PAPPA: variants seen among roughly 807,000 people sequenced by gnomAD.
PAPPA encodes the protein pappalysin 1, also known as pappalysin-1.
Under a neutral mutation model 164.0 loss-of-function variants are expected in PAPPA, and 60 were observed. The ratio of observed to expected loss-of-function variants is 0.37; its 90% CI spans 0.30 to 0.45. PAPPA has a LOEUF of 0.45. PAPPA is among the 20% of genes least tolerant of loss of function. The pLI is 1.00. For missense variants in PAPPA, 1,782 were observed against 2,087.3 expected (o/e 0.85, Z 2.85); for synonymous variants, 875 against 814.1 (o/e 1.07, Z -1.27).
At position 116,325,156 on chromosome 9, in the gene PAPPA, C is replaced by T. The variant is rs139593907; in HGVS notation, c.3148-6088C>T. Among the ~76,000 whole-genome samples the T allele has an allele frequency of 3.9e-5, 6 of 152,154 alleles. No individual in the cohort carries two copies. The East Asian group carries it at 5.8e-4, about 15-fold the overall frequency. ...AATTGTGTTGCTTTGTAATTAAGTA[C>T]GCAGAACATGGAATTCTAGAGATCA... On this transcript the variant is annotated intron_variant, in intron 10 of 21. Coordinates refer to ENST00000328252, the MANE Select transcript of PAPPA (RefSeq NM_002581.5).
chr9:116,238,579 G>T (rs1318236833), intron 7 of PAPPA, among the ~76,000 whole-genome samples: 1 of 152,188 alleles, frequency 6.6e-6, no homozygotes. Context: ...CTTTGTAAAA[G>T]TGCCACGTAC....
intron 17 of PAPPA, among the ~76,000 whole-genome samples, chr9:116,356,396 CAT>C (rs1234664656): frequency 6.6e-6 from 1 of 152,208 alleles, no homozygotes; most frequent in Non-Finnish European, 1.5e-5. Flanking sequence ...CCTGTGCAAT[CAT>C]ATGTGGTAGC....
intron 1 of PAPPA, among the ~76,000 whole-genome samples, chr9:116,178,988 A>T (rs1373665461): frequency 6.6e-6 from 1 of 152,224 alleles, no homozygotes; most frequent in African/African-American, 2.4e-5. Context: ...TCTGTGTATT[A>T]TTAAAACTTA....
intron 19 of PAPPA, among the ~76,000 whole-genome samples, chr9:116,369,642 C>G (rs774166179): frequency 6.6e-6 from 1 of 152,118 alleles, no homozygotes; most frequent in Non-Finnish European, 1.5e-5. Context: ...TTTTCCTACC[C>G]CCTGGGCAAA....
intron 8 of PAPPA, among the ~76,000 whole-genome samples, chr9:116,266,793 T>C (rs1338533037): frequency 6.6e-6 from 1 of 152,224 alleles, no homozygotes; most frequent in African/African-American, 2.4e-5. Context: ...TAGAGAATTT[T>C]GTCTCTAGAG....
At chr9:116,199,077 T>C (rs925861264) in intron 2 of PAPPA, among the ~76,000 whole-genome samples, 1 of 152,216 alleles carries the variant, frequency 6.6e-6, no homozygotes, top group Admixed American at 6.5e-5. Context: ...ATCAGTCTAA[T>C]AATATCCCAA....
intron 9 of PAPPA, among the ~76,000 whole-genome samples, chr9:116,284,870 AC>A (rs2118849931): frequency 2.0e-5 from 3 of 152,010 alleles, no homozygotes; most frequent in South Asian, 4.2e-4. Flanking sequence ...TCATTACTCT[AC>A]CTGAGGCCCT....
intron 2 of PAPPA, among the ~76,000 whole-genome samples, chr9:116,190,961 A>G (rs1442528936): frequency 6.6e-6 from 1 of 151,954 alleles, no homozygotes; most frequent in African/African-American, 2.4e-5. Context: ...GTGTGCAGAC[A>G]GAAACCTGTG....
At chr9:116,369,273 C>T (rs1588023587) in intron 19 of PAPPA, among the ~76,000 whole-genome samples, 1 of 152,132 alleles carries the variant, frequency 6.6e-6, no homozygotes, top group Non-Finnish European at 1.5e-5. Context: ...CAGATTCCCC[C>T]GAGTGCCCCA....
intron 9 of PAPPA, among the ~76,000 whole-genome samples, chr9:116,276,360 G>T (rs984058783): frequency 2.0e-5 from 3 of 152,182 alleles, no homozygotes; most frequent in Admixed American, 2.0e-4. Flanking sequence ...TGCATTACAG[G>T]AGATGCAGCT....
chr9:116,293,236 C>T (rs1010531598), intron 9 of PAPPA, among the ~76,000 whole-genome samples: 14 of 152,162 alleles, frequency 9.2e-5, no homozygotes, highest in South Asian at 4.2e-4. Context: ...ATTTAGGAGA[C>T]GTATAACAGA....
chr9:116,382,553 C>CA, intron 21 of PAPPA, 60 bp downstream of exon 21: 1 of 978,892 alleles, frequency 1.0e-6, no homozygotes, highest in South Asian at 1.3e-5. Context: ...CTTGTGGGGC[C>CA]AGGATCACTC....
intron 1 of PAPPA, among the ~76,000 whole-genome samples, chr9:116,162,895 T>C (rs1843684079): frequency 6.6e-6 from 1 of 152,082 alleles, no homozygotes; most frequent in African/African-American, 2.4e-5. Context: ...ATAGAAAAAT[T>C]AAAAATTTAA....
chr9:116,281,890 C>T lies in PAPPA; in HGVS notation c.2953+10474C>T, dbSNP rs187736331. Among the ~76,000 whole-genome samples, 17 of 152,268 alleles carry T rather than the reference C, an allele frequency of 1.1e-4. No homozygotes were observed. The East Asian group carries it at 3.3e-3, about 29-fold the overall frequency. Reference sequence around the variant, plus strand: ...CCCAAGGCTACGGGAAGGTAGGGGCCATTATCCCCCACTTTACACGAGGAG... The same window carrying T: ...CCCAAGGCTACGGGAAGGTAGGGGCTATTATCCCCCACTTTACACGAGGAG... On this transcript the variant is annotated intron_variant, in intron 9 of 21. Coordinates refer to ENST00000328252, the MANE Select transcript of PAPPA (RefSeq NM_002581.5).
chr9:116,242,333 T>C (rs1472888396), intron 7 of PAPPA, among the ~76,000 whole-genome samples: 1 of 152,050 alleles, frequency 6.6e-6, no homozygotes, highest in East Asian at 1.9e-4. Context: ...TGAAACTAAG[T>C]GGATGTTCAG....
intron 2 of PAPPA, among the ~76,000 whole-genome samples, chr9:116,199,639 C>A (rs1051112218): frequency 1.3e-5 from 2 of 152,142 alleles, no homozygotes; most frequent in African/African-American, 4.8e-5. Context: ...ACTTTCAATT[C>A]TCCATTGCCT....
intron 10 of PAPPA, among the ~76,000 whole-genome samples, chr9:116,311,737 G>A (rs891316972): frequency 6.6e-6 from 1 of 152,152 alleles, no homozygotes; most frequent in African/African-American, 2.4e-5. Flanking sequence ...TATATAAAGT[G>A]TATAATACGT....
chr9:116,285,097 C>T (rs570786677), intron 9 of PAPPA, among the ~76,000 whole-genome samples: 7 of 151,274 alleles, frequency 4.6e-5, no homozygotes, highest in South Asian at 4.2e-4. Flanking sequence ...TAAGACCTTG[C>T]GTGATCTGAG....
At position 116,397,529 on chromosome 9, in the gene PAPPA, A is replaced by G. The variant is rs1846981311; in HGVS notation, c.*913A>G. ...AACTAGGTTAGGAAAAATTCCACAC[A>G]ACCAAACAGTCTGCCTTAAAAGTGA... On this transcript the variant is annotated 3_prime_UTR_variant, in exon 22 of 22. Coordinates refer to ENST00000328252, the MANE Select transcript of PAPPA (RefSeq NM_002581.5). 6.6e-6 allele frequency: 1 copy of G among 152,654 alleles called. No homozygotes were observed. Among genetic ancestry groups the G allele is most frequent in the African/African-American group, 2.4e-5 (1 of 41,456 alleles). The allele number at this position is 152,654 out of a possible 1,614,324, so 9.5% of individuals were successfully genotyped here.
Sources: gnomAD v4.1 joint callset for allele counts (sites outside exome capture counted in the v4.1 genomes callset) on GRCh38, gnomAD v4.1.1 for gene constraint, MANE v1.5 for transcripts, NCBI Gene and HGNC (gene_info 2026-07-23, HGNC 2026-07-21) for gene names.